FAM53A: variants seen among roughly 807,000 people sequenced by gnomAD.
FAM53A encodes family with sequence similarity 53 member A, also known as protein FAM53A.
FAM53A carries 28 observed loss-of-function variants against 26.6 expected under a neutral mutation model. That is an observed-to-expected ratio of 1.05 (90% confidence interval 0.78 to 1.45). The LOEUF (loss-of-function observed/expected upper bound fraction) is 1.45, where lower values mean the gene tolerates loss of function less well. Ranked by LOEUF, FAM53A falls within the 40% of genes most tolerant of loss-of-function variation. The pLI, the probability that FAM53A is intolerant of heterozygous loss-of-function variation, is 0.00. For synonymous variants in FAM53A, 290 were observed against 253.1 expected (o/e 1.15, Z -1.38); for missense variants, 650 against 575.8 (o/e 1.13, Z -1.32).
intron 2 of FAM53A, among the ~76,000 whole-genome samples, chr4:1,664,297 G>T (rs1006354287): frequency 6.6e-6 from 1 of 152,156 alleles, no homozygotes; most frequent in Non-Finnish European, 1.5e-5. Flanking sequence ...ATGGCAGGAA[G>T]GGACTGGGTA....
chr4:1,577,973 C>T, the FAM53A span, among the ~76,000 whole-genome samples: 1 of 152,074 alleles, frequency 6.6e-6, no homozygotes, highest in Non-Finnish European at 1.5e-5. Context: ...CCCGGGGATG[C>T]TCTGGGGGTT....
In FAM53A at chr4:1,655,123, G is replaced by A. The variant is rs62287701; in HGVS notation, c.737C>T (p.Thr246Met). 0.012 allele frequency: 18,379 copies of A among 1,595,434 alleles called. 164 individuals are homozygous for A. The highest frequency in any genetic ancestry group is 0.021 in the Middle Eastern group (124 of 5,994). ...CCCACGGCGCCCGCCCAGCGCAGGC[G>A]TGGACGTGGGGCTGCTGCTGGCCCA... ...LPWASSSPTSTPALGGRRGLL... is the reference protein window; with the variant it reads ...LPWASSSPTSMPALGGRRGLL... Residue 246 changes from threonine (T) to methionine (M), a missense_variant, in exon 4 of 5, where the codon ACG becomes ATG. Transcript: ENST00000308132.
At chr4:1,681,246 G>A (rs1008575368) in intron 1 of FAM53A, among the ~76,000 whole-genome samples, 13 of 151,482 alleles carry the variant, frequency 8.6e-5, no homozygotes, top group African/African-American at 1.7e-4. Context: ...GCAGGCACCC[G>A]CCACCACATC....
chr4:1,621,309 T>C (rs1431522213), intron 1 of FAM53A, among the ~76,000 whole-genome samples: 1 of 152,096 alleles, frequency 6.6e-6, no homozygotes, highest in Non-Finnish European at 1.5e-5. Context: ...TTTCACCATG[T>C]TAGCCGGGAT....
At chr4:1,624,211 C>T (rs1715180380) in intron 1 of FAM53A, among the ~76,000 whole-genome samples, 1 of 152,234 alleles carries the variant, frequency 6.6e-6, no homozygotes, top group South Asian at 2.1e-4. Flanking sequence ...CCCTGGGCCT[C>T]ATCTTGTCTG....
the FAM53A span, among the ~76,000 whole-genome samples, chr4:1,582,714 G>A: frequency 6.6e-6 from 1 of 152,208 alleles, no homozygotes; most frequent in Non-Finnish European, 1.5e-5. Flanking sequence ...TTAGCCAGGT[G>A]TGTGGTGGCG....
At chr4:1,615,408 C>T (rs1371124355), downstream of FAM53A, among the ~76,000 whole-genome samples, 1 of 147,736 alleles carries the variant, frequency 6.8e-6, no homozygotes, top group Admixed American at 6.7e-5. Flanking sequence ...ATCCACCCCA[C>T]CTGGGCACAC....
intron 1 of FAM53A, among the ~76,000 whole-genome samples, chr4:1,679,684 TAAAAAAAAAAA>T (rs35096985): frequency 1.8e-5 from 2 of 112,484 alleles, no homozygotes; most frequent in Non-Finnish European, 3.6e-5. Context: ...GAAACTCCAT[TAAAAAAAAAAA>T]AAAAAAAAAG....
chr4:1,669,390 C>G (rs1459426837), intron 1 of FAM53A, among the ~76,000 whole-genome samples: 1 of 152,254 alleles, frequency 6.6e-6, no homozygotes, highest in Non-Finnish European at 1.5e-5. Flanking sequence ...GGGTCTGCAC[C>G]TGGCGTGCTG....
chr4:1,612,741 T>C, the FAM53A span, among the ~76,000 whole-genome samples: 12 of 152,248 alleles, frequency 7.9e-5, no homozygotes, highest in African/African-American at 2.9e-4. Context: ...CCAGCACATG[T>C]ACACACAGGG....
chr4:1,674,005 C>T (rs913780831), intron 1 of FAM53A, among the ~76,000 whole-genome samples: 13 of 152,236 alleles, frequency 8.5e-5, no homozygotes, highest in Non-Finnish European at 1.6e-4. Flanking sequence ...ATCACCGACA[C>T]GTGTGTTGGC....
At chr4:1,622,609 A>G (rs4865445) in intron 1 of FAM53A, among the ~76,000 whole-genome samples, 104,631 of 152,212 alleles carry the variant, frequency 0.69, 37,030 homozygotes, top group African/African-American at 0.86. Flanking sequence ...CAGGGTCTCC[A>G]GCCCTGCATG....
At chr4:1,643,193 A>G (rs931655851) in intron 4 of FAM53A, among the ~76,000 whole-genome samples, 6 of 152,174 alleles carry the variant, frequency 3.9e-5, no homozygotes, top group Non-Finnish European at 5.9e-5. Flanking sequence ...GACGCCAGGC[A>G]TGGTGGCTCA....
chr4:1,622,931 C>T (rs1332897826), intron 1 of FAM53A, among the ~76,000 whole-genome samples: 6 of 152,252 alleles, frequency 3.9e-5, no homozygotes, highest in Non-Finnish European at 5.9e-5. Context: ...ATGAACCTCA[C>T]GCTTTGCCTG....
the FAM53A span, among the ~76,000 whole-genome samples, chr4:1,600,173 G>A: frequency 3.3e-5 from 5 of 152,290 alleles, no homozygotes; most frequent in South Asian, 2.1e-4. Context: ...CCCTGCTGCC[G>A]GTTTTAGTGT....
At chr4:1,658,708 T>C (rs2108934291) in intron 2 of FAM53A, among the ~76,000 whole-genome samples, 1 of 152,364 alleles carries the variant, frequency 6.6e-6, no homozygotes, top group East Asian at 1.9e-4. Context: ...AGGTCACGGC[T>C]TGGAGGCCAT....
the FAM53A span, among the ~76,000 whole-genome samples, chr4:1,587,147 T>A: frequency 6.6e-6 from 1 of 152,238 alleles, no homozygotes; most frequent in African/African-American, 2.4e-5. Context: ...GAACCCCTCA[T>A]CAGATGGGCA....
At chr4:1,653,578 C>T (rs1713066508) in intron 4 of FAM53A, among the ~76,000 whole-genome samples, 1 of 152,224 alleles carries the variant, frequency 6.6e-6, no homozygotes, top group Non-Finnish European at 1.5e-5. Context: ...CCAAAGCTTG[C>T]CACCAGCTTT....
the FAM53A span, among the ~76,000 whole-genome samples, chr4:1,577,649 C>T: frequency 6.6e-6 from 1 of 152,222 alleles, no homozygotes; most frequent in Non-Finnish European, 1.5e-5. Flanking sequence ...ATAAATCCCC[C>T]GGTAACAATT....
Sources: allele counts gnomAD v4.1 joint callset (sites outside exome capture counted in the v4.1 genomes callset), GRCh38; gene constraint gnomAD v4.1.1; transcripts MANE v1.5; gene names NCBI Gene and HGNC (gene_info 2026-07-23, HGNC 2026-07-21).